Variants in ZNF407 observed in about 807,000 individuals in gnomAD.
The protein encoded by ZNF407 is zinc finger protein 407.
In ZNF407, 17 loss-of-function variants were observed where a neutral mutation model predicts 131.2. That is an observed-to-expected ratio of 0.13 (90% CI 0.09 to 0.19). The LOEUF is 0.19. Ranked by LOEUF, ZNF407 falls within the 10% of genes least tolerant of loss-of-function variation. ZNF407 has a pLI of 1.00. For missense variants in ZNF407, 2,681 were observed against 2,830.6 expected (o/e 0.95, Z 1.20); for synonymous variants, 1,156 against 1,062.0 (o/e 1.09, Z -1.72).
intron 3 of ZNF407, among the ~76,000 whole-genome samples, chr18:74,740,788 C>T (rs987504094): frequency 1.3e-5 from 2 of 152,144 alleles, no homozygotes; most frequent in Non-Finnish European, 2.9e-5. Flanking sequence ...CTTTAGATTT[C>T]CCTGCTGGGA....
chr18:74,878,045 ACATCTTT>A (rs1971183996), intron 5 of ZNF407, among the ~76,000 whole-genome samples: 1 of 152,212 alleles, frequency 6.6e-6, no homozygotes, highest in African/African-American at 2.4e-5. Context: ...CACTGAGCGT[ACATCTTT>A]GGTAGGGGTG....
At chr18:74,791,917 T>G (rs533304664) in intron 4 of ZNF407, among the ~76,000 whole-genome samples, 1 of 152,352 alleles carries the variant, frequency 6.6e-6, no homozygotes, top group Non-Finnish European at 1.5e-5. Flanking sequence ...TTTTTCATGA[T>G]GGACTTTTAC....
chr18:74,943,354 G>T (rs537888477), intron 8 of ZNF407, among the ~76,000 whole-genome samples: 32 of 152,286 alleles, frequency 2.1e-4, no homozygotes, highest in Non-Finnish European at 1.5e-5. Flanking sequence ...TCTTACAGCT[G>T]TTACTTTATG....
chr18:74,758,631 C>T (rs1463892872), intron 3 of ZNF407, among the ~76,000 whole-genome samples: 1 of 152,080 alleles, frequency 6.6e-6, no homozygotes, highest in Non-Finnish European at 1.5e-5. Context: ...TACTCTGTCA[C>T]CCAGGCTGGA....
chr18:74,885,317 A>G (rs1477597038), intron 6 of ZNF407, among the ~76,000 whole-genome samples: 1 of 152,190 alleles, frequency 6.6e-6, no homozygotes, highest in Non-Finnish European at 1.5e-5. Context: ...CAAAACCATT[A>G]TGGTGGAAAC....
At chr18:74,811,448 T>C (rs1269893086) in intron 4 of ZNF407, among the ~76,000 whole-genome samples, 2 of 152,278 alleles carry the variant, frequency 1.3e-5, no homozygotes, top group Admixed American at 6.5e-5. Flanking sequence ...AGTTCAACCA[T>C]TGTGGAAGTC....
rs555435473 is a variant in ZNF407, at chr18:74,728,357, A to C, written c.4803-53071A>C. On this transcript the variant is annotated intron_variant, in intron 3 of 8. Transcript: ENST00000299687. ...GGTGTTAGGTTTGGGCTATTTGATG[A>C]ATGAATAGTCACTTTCTGTGAGATG... 2.0e-5 allele frequency among the ~76,000 whole-genome samples: 3 copies of C among 152,298 alleles called. No individual in the cohort carries two copies. In the East Asian group the frequency reaches 5.8e-4, roughly 29 times the overall value.
At chr18:74,873,078 A>G (rs1198679202) in intron 4 of ZNF407, among the ~76,000 whole-genome samples, 1 of 151,510 alleles carries the variant, frequency 6.6e-6, no homozygotes, top group Non-Finnish European at 1.5e-5. Flanking sequence ...AACTTGTCTG[A>G]TATTTAGACA....
chr18:74,844,396 A>C (rs1423177751), intron 4 of ZNF407, among the ~76,000 whole-genome samples: 2 of 152,186 alleles, frequency 1.3e-5, no homozygotes, highest in East Asian at 3.8e-4. Flanking sequence ...CTAAGGCACA[A>C]ATTGCATTTT....
At chr18:74,772,412 T>A (rs1051208001) in intron 3 of ZNF407, among the ~76,000 whole-genome samples, 10 of 152,196 alleles carry the variant, frequency 6.6e-5, no homozygotes, top group Non-Finnish European at 1.3e-4. Context: ...TATTTGTTCA[T>A]GTATATGTCA....
At chr18:75,011,332 T>C (rs1305255137) in intron 8 of ZNF407, among the ~76,000 whole-genome samples, 2 of 152,176 alleles carry the variant, frequency 1.3e-5, no homozygotes, top group African/African-American at 2.4e-5. Flanking sequence ...GTTTGAATAC[T>C]ATACATTTAA....
rs565191332 is a variant in ZNF407 at position 74,632,487 on chromosome 18, T to C, written c.1468T>C (p.Cys490Arg). 3.1e-6 allele frequency: 5 copies of C among 1,613,994 alleles called. No individual in the cohort carries two copies. Among genetic ancestry groups the C allele is most frequent in the Non-Finnish European group, 4.2e-6 (5 of 1,179,898 alleles). ...AGCGTGCAGCAGTGTGCAGAGAGTG[T>C]GTGTGACTACCTCAGAAACCCAGGA... is the stretch of plus-strand genomic sequence containing the variant. The part of the protein sequence containing the change: ...LEACSSVQRV[C>R]VTTSETQEAE... The change falls in exon 2 of 9, where the codon TGT becomes CGT. Residue 490 changes from cysteine (C) to arginine (R), a missense_variant. Coordinates refer to ENST00000299687, the MANE Select transcript of ZNF407 (RefSeq NM_017757.3).
At chr18:74,763,223 T>TTTG (rs1969140273) in intron 3 of ZNF407, among the ~76,000 whole-genome samples, 2 of 135,270 alleles carry the variant, frequency 1.5e-5, no homozygotes. Flanking sequence ...TTTTTTTTTT[T>TTTG]GCCATGTGTA....
At chr18:74,719,064 TATTA>T (rs1967963997) in intron 3 of ZNF407, among the ~76,000 whole-genome samples, 1 of 152,212 alleles carries the variant, frequency 6.6e-6, no homozygotes, top group African/African-American at 2.4e-5. Context: ...TAAATTGACA[TATTA>T]ATTGTACATA....
chr18:74,647,632 TTC>T (rs1378119655), intron 3 of ZNF407, among the ~76,000 whole-genome samples: 7 of 152,220 alleles, frequency 4.6e-5, no homozygotes, highest in African/African-American at 1.7e-4. Context: ...GCTGTTTCTT[TTC>T]ACAAGAGCTG....
chr18:74,656,662 A>T lies in ZNF407; in HGVS notation c.4802+15540A>T, dbSNP rs1422688934. 2.0e-5 allele frequency among the ~76,000 whole-genome samples: 3 copies of T among 152,066 alleles called. No homozygotes were observed. In the East Asian group the frequency reaches 5.8e-4, roughly 29 times the overall value. On this transcript the variant is annotated intron_variant, in intron 3 of 8. Transcript: ENST00000299687. ...AAGGATAGTGCCTAGAGGGCAATTA[A>T]GGGACAGGGCAGGAGATCTACAGTA...
chr18:74,812,599 G>A (rs1970212606), intron 4 of ZNF407, among the ~76,000 whole-genome samples: 1 of 152,008 alleles, frequency 6.6e-6, no homozygotes, highest in African/African-American at 2.4e-5. Flanking sequence ...GTGTGTGTTC[G>A]TTCTATGAGG....
At chr18:74,962,922 T>G (rs141994624) in intron 8 of ZNF407, among the ~76,000 whole-genome samples, 174 of 152,382 alleles carry the variant, frequency 1.1e-3, no homozygotes, top group African/African-American at 4.0e-3. Context: ...TCTATGTTCC[T>G]GGCTGGAAAT....
chr18:74,664,214 T>C (rs1170786626), intron 3 of ZNF407, among the ~76,000 whole-genome samples: 1 of 150,804 alleles, frequency 6.6e-6, no homozygotes, highest in Non-Finnish European at 1.5e-5. Context: ...AGAAAGGACA[T>C]TTTTTGGCTG....
Sources: allele counts gnomAD v4.1 joint callset (sites outside exome capture counted in the v4.1 genomes callset), GRCh38; gene constraint gnomAD v4.1.1; transcripts MANE v1.5; gene names NCBI Gene and HGNC (gene_info 2026-07-23, HGNC 2026-07-21).